SRFBP1: variants seen among roughly 807,000 people sequenced by gnomAD.
SRFBP1 encodes serum response factor binding protein 1, also known as serum response factor-binding protein 1.
A neutral mutation model predicts 45.5 loss-of-function variants in SRFBP1; 47 were observed. That is an observed-to-expected ratio of 1.03 (90% CI 0.82 to 1.32). The LOEUF (loss-of-function observed/expected upper bound fraction) is 1.32, where lower values mean the gene tolerates loss of function less well. Among genes scored for constraint, SRFBP1 ranks in the 40% most tolerant of loss-of-function variants. The pLI is 0.00. For missense variants in SRFBP1, 621 were observed against 484.6 expected (o/e 1.28, Z -2.64); for synonymous variants, 203 against 166.3 (o/e 1.22, Z -1.70).
At chr5:122,039,120 A>G (rs1461676271) in intron 2 of SRFBP1, among the ~76,000 whole-genome samples, 2 of 152,218 alleles carry the variant, frequency 1.3e-5, no homozygotes, top group African/African-American at 2.4e-5. Context: ...TATCGTAACT[A>G]TAACAGAACG....
intron 2 of SRFBP1, among the ~76,000 whole-genome samples, chr5:122,035,547 G>A (rs1232133340): frequency 1.3e-5 from 2 of 152,026 alleles, no homozygotes; most frequent in African/African-American, 4.8e-5. Context: ...TGGCTGCTTG[G>A]TTTTCCGACT....
chr5:121,963,560 A>G (rs1318650249), intron 1 of SRFBP1, among the ~76,000 whole-genome samples: 1 of 152,174 alleles, frequency 6.6e-6, no homozygotes, highest in African/African-American at 2.4e-5. Flanking sequence ...TCTTCAAAAC[A>G]GTTAAAATTT....
chr5:121,994,201 T>C lies in SRFBP1; in HGVS notation c.199-398T>C, dbSNP rs1752672615. Among the ~76,000 whole-genome samples the C allele has an allele frequency of 2.6e-5, 4 of 152,036 alleles. No individual in the cohort carries two copies. In the East Asian group the frequency reaches 7.7e-4, roughly 29 times the overall value. On this transcript the variant is annotated intron_variant, in intron 3 of 7. Transcript: ENST00000339397. ...GTTTTATTTGATGCATAGTCATAAA[T>C]GTTATCTTCTTTGTCTTCATTTTGT...
chr5:121,992,109 AAAC>A (rs1374110071), intron 3 of SRFBP1, among the ~76,000 whole-genome samples: 4 of 152,158 alleles, frequency 2.6e-5, no homozygotes, highest in African/African-American at 9.7e-5. Flanking sequence ...TAGTGGCATA[AAAC>A]AACACAAATG....
intron 2 of SRFBP1, among the ~76,000 whole-genome samples, chr5:122,035,127 A>T (rs1753672703): frequency 6.6e-6 from 1 of 151,364 alleles, no homozygotes; most frequent in Admixed American, 6.6e-5. Context: ...ACAGTGTTTG[A>T]TGTCCTTCCT....
At chr5:122,026,646 CAG>C (rs1269116049) in intron 7 of SRFBP1, among the ~76,000 whole-genome samples, 1 of 152,154 alleles carries the variant, frequency 6.6e-6, no homozygotes, top group African/African-American at 2.4e-5. Flanking sequence ...GCTAGTACAA[CAG>C]AGTGATTCCT....
chr5:122,010,669 A>G (rs1484601645), intron 4 of SRFBP1, among the ~76,000 whole-genome samples: 3 of 151,794 alleles, frequency 2.0e-5, no homozygotes. Flanking sequence ...ATGTTCACAT[A>G]TAACATTCTG....
chr5:121,968,561 A>G (rs1412601628), intron 1 of SRFBP1, among the ~76,000 whole-genome samples: 3 of 152,112 alleles, frequency 2.0e-5, no homozygotes, highest in African/African-American at 4.8e-5. Flanking sequence ...CTACATTGCT[A>G]TATGCTTTAT....
chr5:122,068,174 TAAAAAAAAAAAA>T (rs10650287), intron 2 of SRFBP1, among the ~76,000 whole-genome samples: 1 of 115,910 alleles, frequency 8.6e-6, no homozygotes, highest in African/African-American at 3.4e-5. Context: ...TAATAACTAG[TAAAAAAAAAAAA>T]AAAAAAAAAA....
chr5:121,967,356 G>T (rs1326835145), intron 1 of SRFBP1, among the ~76,000 whole-genome samples: 3 of 152,046 alleles, frequency 2.0e-5, no homozygotes, highest in Non-Finnish European at 4.4e-5. Flanking sequence ...GAACCAATTT[G>T]TGTTTAGTTA....
At chr5:121,996,053 G>C (rs1228871859) in intron 4 of SRFBP1, among the ~76,000 whole-genome samples, 1 of 151,448 alleles carries the variant, frequency 6.6e-6, no homozygotes, top group East Asian at 1.9e-4. Context: ...TCCAGGACCA[G>C]ATGGACTCAC....
intron 4 of SRFBP1, among the ~76,000 whole-genome samples, chr5:122,008,633 C>T (rs1207751117): frequency 6.6e-6 from 1 of 152,044 alleles, no homozygotes; most frequent in East Asian, 1.9e-4. Flanking sequence ...TGTAATCTCT[C>T]ATCTGGTTTC....
chr5:121,972,241 G>A (rs1020029833), intron 1 of SRFBP1, among the ~76,000 whole-genome samples: 1 of 151,854 alleles, frequency 6.6e-6, no homozygotes, highest in Middle Eastern at 3.2e-3. Flanking sequence ...ATGTGTAGTG[G>A]TATTTCTTAT....
chr5:122,032,562 A>G (rs1440850564), downstream of SRFBP1, among the ~76,000 whole-genome samples: 1 of 152,188 alleles, frequency 6.6e-6, no homozygotes, highest in African/African-American at 2.4e-5. Context: ...TTTTCATTTA[A>G]AATATATCCT....
intron 1 of SRFBP1, among the ~76,000 whole-genome samples, chr5:121,967,787 C>T (rs995077371): frequency 2.0e-5 from 3 of 152,098 alleles, no homozygotes; most frequent in African/African-American, 4.8e-5. Context: ...TGTGATGAGT[C>T]GAGATCACAC....
chr5:122,056,407 G>T (rs1754078193), intron 2 of SRFBP1, among the ~76,000 whole-genome samples: 1 of 152,146 alleles, frequency 6.6e-6, no homozygotes, highest in South Asian at 2.1e-4. Context: ...GAATTTTATG[G>T]TTAGAGCAAT....
At chr5:122,057,514 T>G (rs1305843873) in intron 2 of SRFBP1, among the ~76,000 whole-genome samples, 1 of 151,390 alleles carries the variant, frequency 6.6e-6, no homozygotes, top group African/African-American at 2.4e-5. Flanking sequence ...TGTGTACAAA[T>G]GAGGGTCTCG....
chr5:121,987,139 C>T (rs1012429020), intron 3 of SRFBP1, among the ~76,000 whole-genome samples: 1 of 152,034 alleles, frequency 6.6e-6, no homozygotes, highest in Non-Finnish European at 1.5e-5. Context: ...ATAAAGAAGT[C>T]TTGAACGTAG....
Position 122,026,953 on chromosome 5 carries a change from A to T in SRFBP1, c.1117A>T (p.Asn373Tyr). ...CTTTCTCTTCCTAGATTTTCCACAGAATGAGCCTCAGATCAAGAATCAGTT... is the reference window on the plus strand; with the variant it reads ...CTTTCTCTTCCTAGATTTTCCACAGTATGAGCCTCAGATCAAGAATCAGTT... The part of the protein sequence containing the change: ...PKTRSLDFPQ[N>Y]EPQIKNQFNK... Residue 373 changes from asparagine to tyrosine, a missense_variant, in exon 8 of 8, where the codon AAT becomes TAT. Transcript: ENST00000339397. 5 of 1,610,686 alleles carry T rather than the reference A, an allele frequency of 3.1e-6. No individual in the cohort carries two copies. The highest frequency in any genetic ancestry group is 4.2e-6 in the Non-Finnish European group (5 of 1,178,714).
Sources: gnomAD v4.1 joint callset for allele counts (sites outside exome capture counted in the v4.1 genomes callset) on GRCh38, gnomAD v4.1.1 for gene constraint, MANE v1.5 for transcripts, NCBI Gene and HGNC (gene_info 2026-07-23, HGNC 2026-07-21) for gene names.